The following MRPS25 variants were observed in gnomAD, a reference collection of about 807,000 sequenced individuals.
MRPS25 encodes the protein small ribosomal subunit protein mS25.
MRPS25 carries 15 observed loss-of-function variants against 17.3 expected under a neutral mutation model. The observed-to-expected ratio is 0.87, with a 90% CI of 0.58 to 1.34. The LOEUF (loss-of-function observed/expected upper bound fraction) is 1.34, where lower values mean the gene tolerates loss of function less well. Ranked by LOEUF, MRPS25 falls within the 40% of genes most tolerant of loss-of-function variation. The probability of loss-of-function intolerance (pLI) is 0.00; values close to 1 mark genes in which losing one functional copy is unlikely to be tolerated. For synonymous variants in MRPS25, 94 were observed against 83.3 expected, an observed-to-expected ratio of 1.13 and a Z score of -0.70; for missense variants, 225 against 218.6, an observed-to-expected ratio of 1.03 and a Z score of -0.19.
chr3:15,049,886 C>T lies in MRPS25; in HGVS notation c.*2555G>A. The stretch of plus-strand genomic sequence containing the variant: ...CCTCCTGCCTCAGCCTCCTGAGTAA[C>T]TGGGACCACAGCAGATGATACAGGT... On this transcript the variant is annotated 3_prime_UTR_variant, in exon 4 of 4. Transcript: ENST00000253686. 1 of 1,523,316 alleles carries T rather than the reference C, an allele frequency of 6.6e-7. No homozygotes were observed. The allele number at this position is 1,523,316 out of a possible 1,614,324, so 94.4% of individuals were successfully genotyped here.
chr3:15,043,863 G>C (rs557273832), downstream of MRPS25: 1 of 152,346 alleles, frequency 6.6e-6, no homozygotes, highest in South Asian at 2.1e-4. Context: ...TGCCAAATGA[G>C]ATGTACAGTT....
At chr3:15,061,601 C>A (rs1248985500) in intron 1 of MRPS25, among the ~76,000 whole-genome samples, 1 of 152,200 alleles carries the variant, frequency 6.6e-6, no homozygotes, top group Non-Finnish European at 1.5e-5. Context: ...CTTGGCCTCC[C>A]AAAGTGTCCA....
Position 15,050,623 on chromosome 3 carries a change from G to C in MRPS25, c.*1818C>G, listed in dbSNP as rs2042589813. ...GAACTGAAACCAGCAGACATGGGAGGGCTCTCTGTGGAGGAGAGCTTTTTC... is the reference window on the plus strand; with the variant it reads ...GAACTGAAACCAGCAGACATGGGAGCGCTCTCTGTGGAGGAGAGCTTTTTC... On this transcript the variant is annotated 3_prime_UTR_variant, in exon 4 of 4. Transcript: ENST00000253686. 1.0e-6 allele frequency: 1 copy of C among 985,314 alleles called. No homozygotes were observed. The highest frequency in any genetic ancestry group is 1.2e-6 in the Non-Finnish European group (1 of 829,928). 61.0% of individuals were successfully genotyped at this position (985,314 alleles called of 1,614,324 possible).
intron 2 of MRPS25, among the ~76,000 whole-genome samples, chr3:15,054,549 AAATT>A (rs1383510041): frequency 6.6e-6 from 1 of 152,220 alleles, no homozygotes; most frequent in East Asian, 1.9e-4. Context: ...CTCAAAAAAA[AAATT>A]AAAACTCAAA....
At chr3:15,060,995 C>T (rs547942162) in intron 1 of MRPS25, among the ~76,000 whole-genome samples, 15 of 152,282 alleles carry the variant, frequency 9.9e-5, no homozygotes, top group African/African-American at 3.1e-4. Flanking sequence ...CTGAATTTAC[C>T]TTCCAGGGCG....
chr3:15,052,365 C>A lies in MRPS25; in HGVS notation c.*76G>T. ...CTCCAGGGACAGAACCAGGGGCTTC[C>A]CTGGGCCAAAGTAATCCCATTCCAA... On this transcript the variant is annotated 3_prime_UTR_variant, in exon 4 of 4. Transcript: ENST00000253686. The A allele has an allele frequency of 6.5e-7, 1 of 1,537,848 alleles. No homozygotes were observed. Among genetic ancestry groups the A allele is most frequent in the Non-Finnish European group, 8.8e-7 (1 of 1,141,926 alleles).
Position 15,048,899 on chromosome 3 carries a change from T to C in MRPS25, c.*3542A>G, listed in dbSNP as rs1187897744. The C allele has an allele frequency of 6.5e-6, 1 of 152,688 alleles. No individual in the cohort carries two copies. Among genetic ancestry groups the C allele is most frequent in the East Asian group, 1.9e-4 (1 of 5,202 alleles). 9.5% of individuals were successfully genotyped at this position (152,688 alleles called of 1,614,324 possible). A position where few individuals can be genotyped will look rare whatever the true frequency, so the allele number is the denominator to read the frequency against. Reference sequence around the variant, plus strand: ...TCAAAGGAAAATTTGGGTGTTAGATTTTCTTGGGACCGTTTCTGTAACCTT... The same window carrying C: ...TCAAAGGAAAATTTGGGTGTTAGATCTTCTTGGGACCGTTTCTGTAACCTT... On this transcript the variant is annotated 3_prime_UTR_variant, in exon 4 of 4. Transcript: ENST00000253686.
chr3:15,046,888 T>A (rs1323503149), downstream of MRPS25: 1 of 152,644 alleles, frequency 6.6e-6, no homozygotes, highest in East Asian at 1.9e-4. Flanking sequence ...ATGTAAATTT[T>A]TAAAGCCAAC....
rs943340205 is a variant in MRPS25, at chr3:15,058,441, G to A, written c.241+928C>T. On this transcript the variant is annotated intron_variant, in intron 2 of 3. Coordinates refer to ENST00000253686, the MANE Select transcript of MRPS25 (RefSeq NM_022497.5). ...CCTGACCTCGTGATCCACCCTCCTC[G>A]GCCTCCCAAAGTTCTGGGATTACAG... Among the ~76,000 whole-genome samples the A allele has an allele frequency of 5.2e-4, 79 of 151,918 alleles. 1 individual carries two copies. Among genetic ancestry groups the A allele is most frequent in the Middle Eastern group, 6.8e-3 (2 of 292 alleles).
At chr3:15,062,333 C>T (rs1255768584) in intron 1 of MRPS25, among the ~76,000 whole-genome samples, 2 of 94,370 alleles carry the variant, frequency 2.1e-5, no homozygotes, top group East Asian at 3.6e-4. Context: ...CTGCCCGGGC[C>T]GCCCCTACTG....
At position 15,053,425 on chromosome 3, in the gene MRPS25, T is replaced by C. The variant is rs776238137; in HGVS notation, c.284A>G (p.Asn95Ser). The stretch of plus-strand genomic sequence containing the variant: ...TCTGATGTGCTCCATGATCTCCTTA[T>C]TGCTCTTGGTCTCCACATCCACCAG... ...QVLVDVETKSNKEIMEHIRKI... is the reference protein window; with the variant it reads ...QVLVDVETKSSKEIMEHIRKI... Residue 95 changes from asparagine to serine, a missense_variant, in exon 3 of 4, where the codon AAT becomes AGT. Physicochemically the swap from Asn to Ser is conservative, Grantham distance 46. Transcript: ENST00000253686. 1.2e-5 allele frequency: 20 copies of C among 1,614,192 alleles called. No individual in the cohort carries two copies. The highest frequency in any genetic ancestry group is 1.7e-5 in the Non-Finnish European group (20 of 1,180,032).
chr3:15,057,646 G>A (rs1243625018), intron 2 of MRPS25, among the ~76,000 whole-genome samples: 4 of 152,202 alleles, frequency 2.6e-5, no homozygotes, highest in Non-Finnish European at 4.4e-5. Context: ...TGGCACTAAG[G>A]AACTTCCTGC....
rs1239486446 is a variant in MRPS25 at position 15,051,212 on chromosome 3, C to T, written c.*1229G>A. 2.0e-6 allele frequency: 2 copies of T among 977,782 alleles called. No individual in the cohort carries two copies. The highest frequency in any genetic ancestry group is 1.2e-4 in the Admixed American group (2 of 16,246). 60.6% of individuals were successfully genotyped at this position (977,782 alleles called of 1,614,324 possible). On this transcript the variant is annotated 3_prime_UTR_variant, in exon 4 of 4. Transcript: ENST00000253686. ...AAAAAATTTTTTTTCTTGAGACAGT[C>T]TTGCTCTGTGGCCCAGGCTGGAGTG... is the stretch of plus-strand genomic sequence containing the variant.
In MRPS25 at chr3:15,052,018, C is replaced by A; in HGVS notation, c.*423G>T. On this transcript the variant is annotated 3_prime_UTR_variant, in exon 4 of 4. Coordinates refer to ENST00000253686, the MANE Select transcript of MRPS25 (RefSeq NM_022497.5). Reference sequence around the variant, plus strand: ...CACTGCCAACCACAGACAGTGCTAGCCAGACTCAACCACAGCAGCCCTTAT... The same window carrying A: ...CACTGCCAACCACAGACAGTGCTAGACAGACTCAACCACAGCAGCCCTTAT... 1.0e-6 allele frequency: 1 copy of A among 998,008 alleles called. No homozygotes were observed. Among genetic ancestry groups the A allele is most frequent in the Non-Finnish European group, 1.2e-6 (1 of 837,962 alleles). 61.8% of individuals were successfully genotyped at this position (998,008 alleles called of 1,614,324 possible). A position where few individuals can be genotyped will look rare whatever the true frequency, so the allele number is the denominator to read the frequency against.
At chr3:15,054,210 C>T (rs1031337487) in intron 2 of MRPS25, among the ~76,000 whole-genome samples, 3 of 147,576 alleles carry the variant, frequency 2.0e-5, no homozygotes, top group East Asian at 3.9e-4. Context: ...GACTTTGTCT[C>T]GAAAAAAAAA....
Position 15,065,213 on chromosome 3 carries a change from G to C in MRPS25, c.-19C>G. 6.4e-7 allele frequency: 1 copy of C among 1,571,362 alleles called. No individual in the cohort carries two copies. The highest frequency in any genetic ancestry group is 8.6e-7 in the Non-Finnish European group (1 of 1,161,102). The stretch of plus-strand genomic sequence containing the variant: ...TGGGCATGGCGGCAACGGTGGCGGG[G>C]CCGACCCCACGGGCCGCGAGCCGAG... On this transcript the variant is annotated 5_prime_UTR_variant, in exon 1 of 4. Coordinates refer to ENST00000253686, the MANE Select transcript of MRPS25 (RefSeq NM_022497.5).
chr3:15,049,932 G>A lies in MRPS25; in HGVS notation c.*2509C>T. The stretch of plus-strand genomic sequence containing the variant: ...CAGGTTTAGATGGTGCTGCCAGGTA[G>A]TGCCTCAAAGAGAAGAAAAGTGGTC... On this transcript the variant is annotated 3_prime_UTR_variant, in exon 4 of 4. Transcript: ENST00000253686. 3.3e-6 allele frequency: 5 copies of A among 1,530,966 alleles called. No individual in the cohort carries two copies. Among genetic ancestry groups the A allele is most frequent in the Non-Finnish European group, 3.5e-6 (4 of 1,145,510 alleles). The allele number at this position is 1,530,966 out of a possible 1,614,324, so 94.8% of individuals were successfully genotyped here. A position where few individuals can be genotyped will look rare whatever the true frequency, so the allele number is the denominator to read the frequency against.
At chr3:15,063,526 C>T (rs1353749418) in intron 1 of MRPS25, among the ~76,000 whole-genome samples, 3 of 152,070 alleles carry the variant, frequency 2.0e-5, no homozygotes, top group Non-Finnish European at 4.4e-5. Context: ...CTCCAACCCA[C>T]GGGTACAAGA....
chr3:15,051,609 C>G lies in MRPS25; in HGVS notation c.*832G>C. The G allele has an allele frequency of 1.0e-6, 1 of 985,500 alleles. No individual in the cohort carries two copies. Among genetic ancestry groups the G allele is most frequent in the Non-Finnish European group, 1.2e-6 (1 of 829,974 alleles). The allele number at this position is 985,500 out of a possible 1,614,324, so 61.0% of individuals were successfully genotyped here. ...CTATGAGGAAAGAACAAGGAAGGTG[C>G]TCAGTAATGCAGCACTCCCTCCTCC... On this transcript the variant is annotated 3_prime_UTR_variant, in exon 4 of 4. Transcript: ENST00000253686.
Sources: gnomAD v4.1 joint callset for allele counts (sites outside exome capture counted in the v4.1 genomes callset) on GRCh38, gnomAD v4.1.1 for gene constraint, MANE v1.5 for transcripts, NCBI Gene and HGNC (gene_info 2026-07-23, HGNC 2026-07-21) for gene names.